Variants in TARP observed in about 807,000 individuals in gnomAD.
At chr7:38,267,913 G>C in the TARP span, among the ~76,000 whole-genome samples, 1 of 151,084 alleles carries the variant, frequency 6.6e-6, no homozygotes, top group Non-Finnish European at 1.5e-5. Flanking sequence ...TTTCTGTACG[G>C]TACCACAGCA....
the TARP span, among the ~76,000 whole-genome samples, chr7:38,268,963 G>A: frequency 6.6e-6 from 1 of 151,270 alleles, no homozygotes; most frequent in Non-Finnish European, 1.5e-5. Flanking sequence ...ACACTATGTT[G>A]TGCAATTCTT....
the TARP span, among the ~76,000 whole-genome samples, chr7:38,271,603 T>A: frequency 6.6e-6 from 1 of 151,448 alleles, no homozygotes; most frequent in Admixed American, 6.6e-5. Flanking sequence ...CTTGGGGTAA[T>A]GTCTCTGTAG....
At chr7:38,259,882 C>T in the TARP span, 1 of 533,718 alleles carries the variant, frequency 1.9e-6, no homozygotes, top group South Asian at 2.2e-5. Context: ...CTGGAGATCG[C>T]CGTGGCTATT....
chr7:38,270,194 C>T, the TARP span, among the ~76,000 whole-genome samples: 1 of 151,978 alleles, frequency 6.6e-6, no homozygotes. Flanking sequence ...TGTGCCTTGA[C>T]ATGACATTTT....
the TARP span, among the ~76,000 whole-genome samples, chr7:38,267,859 C>A: frequency 4.0e-5 from 6 of 151,258 alleles, no homozygotes; most frequent in Admixed American, 6.6e-5. Context: ...ACTTCTAATT[C>A]ATTGTACTAA....
the TARP span, among the ~76,000 whole-genome samples, chr7:38,261,643 G>A: frequency 6.6e-6 from 1 of 151,474 alleles, no homozygotes; most frequent in South Asian, 2.1e-4. Context: ...GGGAGGGCGA[G>A]GGGGCAGATC....
At chr7:38,268,141 T>C in the TARP span, among the ~76,000 whole-genome samples, 1 of 151,630 alleles carries the variant, frequency 6.6e-6, no homozygotes, top group Non-Finnish European at 1.5e-5. Context: ...AAGAGTTTTT[T>C]ATGGCCAAGT....
At chr7:38,269,017 T>C in the TARP span, among the ~76,000 whole-genome samples, 3 of 151,716 alleles carry the variant, frequency 2.0e-5, no homozygotes, top group East Asian at 5.8e-4. Context: ...TTTTATGGAT[T>C]AGAAAACTGA....
chr7:38,267,248 A>T, the TARP span, among the ~76,000 whole-genome samples: 1 of 151,792 alleles, frequency 6.6e-6, no homozygotes, highest in Non-Finnish European at 1.5e-5. Flanking sequence ...ATGATTTCAG[A>T]GCTTCTTATA....
chr7:38,271,664 A>T, the TARP span, among the ~76,000 whole-genome samples: 2 of 151,526 alleles, frequency 1.3e-5, no homozygotes, highest in Admixed American at 1.3e-4. Context: ...AAAAAAATAT[A>T]TCCTTTTATT....
the TARP span, chr7:38,259,891 T>C: frequency 3.6e-6 from 2 of 561,534 alleles, no homozygotes; most frequent in African/African-American, 1.9e-5. Flanking sequence ...GCCGTGGCTA[T>C]TCCTCATTGT....
At chr7:38,261,426 A>G in the TARP span, among the ~76,000 whole-genome samples, 1 of 151,504 alleles carries the variant, frequency 6.6e-6, no homozygotes, top group Non-Finnish European at 1.5e-5. Context: ...AGAGGGTTAA[A>G]CAAGAAAATG....
chr7:38,261,074 C>T, the TARP span, among the ~76,000 whole-genome samples: 1 of 151,784 alleles, frequency 6.6e-6, no homozygotes, highest in Non-Finnish European at 1.5e-5. Flanking sequence ...TGTAATTATT[C>T]TTTGTTGGCT....
the TARP span, among the ~76,000 whole-genome samples, chr7:38,268,706 A>G: frequency 6.6e-6 from 1 of 151,816 alleles, no homozygotes; most frequent in African/African-American, 2.4e-5. Flanking sequence ...TTGCCACGTG[A>G]TTAAAAAGCC....
chr7:38,261,680 T>A, the TARP span, among the ~76,000 whole-genome samples: 1 of 151,200 alleles, frequency 6.6e-6, no homozygotes, highest in Non-Finnish European at 1.5e-5. Flanking sequence ...GAGGCCATCC[T>A]GGCCAACATG....
chr7:38,269,853 A>G, the TARP span, among the ~76,000 whole-genome samples: 6 of 151,996 alleles, frequency 3.9e-5, no homozygotes, highest in Admixed American at 2.0e-4. Context: ...TAATTCCAGC[A>G]CTTTGGGAGG....
At chr7:38,267,157 C>T in the TARP span, among the ~76,000 whole-genome samples, 3 of 151,700 alleles carry the variant, frequency 2.0e-5, no homozygotes, top group South Asian at 2.1e-4. Context: ...CTATATGCTG[C>T]TTAACTGTTT....
the TARP span, among the ~76,000 whole-genome samples, chr7:38,268,133 G>T: frequency 6.6e-6 from 1 of 151,084 alleles, no homozygotes; most frequent in African/African-American, 2.4e-5. Context: ...TACATATTAA[G>T]AGTTTTTTAT....
the TARP span, chr7:38,273,503 G>C: frequency 9.0e-7 from 1 of 1,109,324 alleles, no homozygotes; most frequent in Non-Finnish European, 1.3e-6. Context: ...AGTGACCAAG[G>C]AGGGAATCCT....
Sources: gnomAD v4.1 joint callset for allele counts (sites outside exome capture counted in the v4.1 genomes callset) on GRCh38, gnomAD v4.1.1 for gene constraint, MANE v1.5 for transcripts.